The following ANO10 variants were observed in gnomAD, a reference collection of about 807,000 sequenced individuals.
ANO10 encodes the protein anoctamin-10.
ANO10 carries 77 observed loss-of-function variants against 74.7 expected under a neutral mutation model. The ratio of observed to expected loss-of-function variants is 1.03; its 90% CI spans 0.86 to 1.25. ANO10 has a LOEUF of 1.25. Among genes scored for constraint, ANO10 ranks in the 50% most tolerant of loss-of-function variants. The probability of loss-of-function intolerance (pLI) is 0.00; values close to 1 mark genes in which losing one functional copy is unlikely to be tolerated. For synonymous variants in ANO10, 279 were observed against 284.9 expected (o/e 0.98, Z 0.21); for missense variants, 721 against 778.1 (o/e 0.93, Z 0.87).
In ANO10 at chr3:43,664,762, C is replaced by G. The variant is rs568523851; in HGVS notation, c.-12+26755G>C. Among the ~76,000 whole-genome samples, 36 of 152,176 alleles carry G rather than the reference C, an allele frequency of 2.4e-4. 1 individual carries two copies. The highest frequency in any genetic ancestry group is 8.7e-4 in the African/African-American group (36 of 41,456). ...CAAAAGAAGATATTTATGCAGACAA[C>G]AGACATATGAAAAAATGCTAATCAT... On this transcript the variant is annotated intron_variant, in intron 1 of 3. Coordinates refer to the ANO10 transcript ENST00000413397.
intron 4 of ANO10, among the ~76,000 whole-genome samples, chr3:43,592,153 T>C (rs2081807322): frequency 6.6e-6 from 1 of 152,216 alleles, no homozygotes; most frequent in African/African-American, 2.4e-5. Flanking sequence ...CCAGCCTCTG[T>C]AGACTCCACC....
chr3:43,475,825 C>T (rs1238317788), intron 11 of ANO10, among the ~76,000 whole-genome samples: 1 of 152,106 alleles, frequency 6.6e-6, no homozygotes, highest in Non-Finnish European at 1.5e-5. Context: ...TGGTCTTGAA[C>T]TCCTGACCTC....
At chr3:43,415,840 C>T (rs1251991821) in intron 12 of ANO10, among the ~76,000 whole-genome samples, 4 of 152,058 alleles carry the variant, frequency 2.6e-5, no homozygotes, top group South Asian at 2.1e-4. Context: ...CCATGCCTAG[C>T]CAAAAAATGA....
intron 12 of ANO10, among the ~76,000 whole-genome samples, chr3:43,409,119 C>G (rs543411046): frequency 4.6e-5 from 7 of 152,304 alleles, no homozygotes; most frequent in Admixed American, 1.3e-4. Flanking sequence ...GTACCTTAAC[C>G]ATGAACAGTA....
chr3:43,477,273 T>C (rs1489287578), intron 11 of ANO10, among the ~76,000 whole-genome samples: 2 of 152,184 alleles, frequency 1.3e-5, no homozygotes, highest in Non-Finnish European at 2.9e-5. Flanking sequence ...GGTATTGTAG[T>C]GGATAAAACT....
intron 8 of ANO10, among the ~76,000 whole-genome samples, chr3:43,563,643 A>G (rs1456984849): frequency 1.3e-5 from 2 of 152,206 alleles, no homozygotes; most frequent in Non-Finnish European, 2.9e-5. Flanking sequence ...AATGTGGTAT[A>G]TATACACAAT....
chr3:43,486,171 C>T (rs190528344), intron 11 of ANO10, among the ~76,000 whole-genome samples: 35 of 152,244 alleles, frequency 2.3e-4, no homozygotes, highest in African/African-American at 5.1e-4. Flanking sequence ...TGAAAAGACA[C>T]GTTTACTATC....
In ANO10 at chr3:43,366,832, C is replaced by T. The variant is rs913158259; in HGVS notation, c.*74G>A. On this transcript the variant is annotated 3_prime_UTR_variant, in exon 13 of 13. Transcript: ENST00000292246. ...AGGAGCCACGATGCTGCCCCGGGTA[C>T]CCCCCCTGCCACCGTGGCAGGTGTG... The T allele has an allele frequency of 2.1e-6, 3 of 1,428,190 alleles. No individual in the cohort carries two copies. The highest frequency in any genetic ancestry group is 2.9e-6 in the Non-Finnish European group (3 of 1,037,090). The allele number at this position is 1,428,190 out of a possible 1,614,324, so 88.5% of individuals were successfully genotyped here.
intron 11 of ANO10, 80 bp downstream of exon 11, chr3:43,549,640 G>A (rs745439849): frequency 2.6e-6 from 4 of 1,516,510 alleles, no homozygotes; most frequent in Non-Finnish European, 3.7e-6. Context: ...GTCAGTCATG[G>A]ACAGCCCGAG....
rs113612006 is a variant in ANO10 at position 43,544,046 on chromosome 3, A to G, written c.1797+5674T>C. ...TTATCTAAGATTTAATATTTGGAAG[A>G]TATCAGGCCATTTCTATTTTTTAGA... On this transcript the variant is annotated intron_variant, in intron 11 of 12. Transcript: ENST00000292246. Among the ~76,000 whole-genome samples, 132 of 152,342 alleles carry G rather than the reference A, an allele frequency of 8.7e-4. 1 individual carries two copies. The highest frequency in any genetic ancestry group is 3.0e-3 in the African/African-American group (125 of 41,582).
At chr3:43,382,019 A>C (rs965028565) in intron 12 of ANO10, among the ~76,000 whole-genome samples, 1 of 152,254 alleles carries the variant, frequency 6.6e-6, no homozygotes, top group Non-Finnish European at 1.5e-5. Flanking sequence ...ATTTGAACTG[A>C]ATAATAGTGA....
chr3:43,373,376 A>G (rs1206799961), intron 12 of ANO10, among the ~76,000 whole-genome samples: 1 of 152,118 alleles, frequency 6.6e-6, no homozygotes, highest in Non-Finnish European at 1.5e-5. Flanking sequence ...TCCGCCAAGA[A>G]AATCAAATCC....
chr3:43,623,543 AT>A (rs1226012957), upstream of ANO10, among the ~76,000 whole-genome samples: 8 of 152,206 alleles, frequency 5.3e-5, no homozygotes, highest in Non-Finnish European at 1.0e-4. Flanking sequence ...GAAATGAAAA[AT>A]TTAAAAAATG....
chr3:43,412,952 A>G (rs1219632071), intron 12 of ANO10, among the ~76,000 whole-genome samples: 1 of 152,126 alleles, frequency 6.6e-6, no homozygotes, highest in African/African-American at 2.4e-5. Flanking sequence ...TCAGGAGGAC[A>G]AGGCAGGAGA....
chr3:43,470,596 T>TTTTA (rs61427290), intron 11 of ANO10, among the ~76,000 whole-genome samples: 45,928 of 143,634 alleles, frequency 0.32, 7,614 homozygotes, highest in East Asian at 0.41. Context: ...CTGGTAATTA[T>TTTTA]TTTATTTATT....
chr3:43,470,853 C>T (rs2075828671), intron 11 of ANO10, among the ~76,000 whole-genome samples: 1 of 151,992 alleles, frequency 6.6e-6, no homozygotes, highest in African/African-American at 2.4e-5. Context: ...TCTCAAGCTC[C>T]TGAACTCAAA....
intron 11 of ANO10, among the ~76,000 whole-genome samples, chr3:43,436,899 A>G (rs1343036726): frequency 6.6e-6 from 1 of 152,220 alleles, no homozygotes; most frequent in East Asian, 1.9e-4. Context: ...GAATTCTTAG[A>G]ATTCTGAAAA....
intron 1 of ANO10, among the ~76,000 whole-genome samples, chr3:43,642,607 A>T (rs1269451077): frequency 2.0e-5 from 3 of 152,174 alleles, no homozygotes; most frequent in Non-Finnish European, 4.4e-5. Flanking sequence ...TCCCAAAGTT[A>T]AAAAATACAC....
chr3:43,489,161 G>GCA (rs2076619239), intron 11 of ANO10, among the ~76,000 whole-genome samples: 1 of 132,794 alleles, frequency 7.5e-6, no homozygotes, highest in Admixed American at 8.4e-5. Context: ...CACACTCTGG[G>GCA]GACTGTTGTG....
Sources: allele counts gnomAD v4.1 joint callset (sites outside exome capture counted in the v4.1 genomes callset), GRCh38; gene constraint gnomAD v4.1.1; transcripts MANE v1.5; gene names NCBI Gene and HGNC (gene_info 2026-07-23, HGNC 2026-07-21).